The following GNAQ variants were observed in gnomAD, a reference collection of about 807,000 sequenced individuals.
GNAQ encodes guanine nucleotide-binding protein G(q) subunit alpha.
GNAQ carries 8 observed loss-of-function variants against 43.9 expected under a neutral mutation model. That is an observed-to-expected ratio of 0.18 (90% CI 0.11 to 0.33). GNAQ has a LOEUF of 0.33. Ranked by LOEUF, GNAQ falls within the 10% of genes least tolerant of loss-of-function variation. The pLI is 1.00. For missense variants in GNAQ, 158 were observed against 450.8 expected (o/e 0.35, Z 5.88); for synonymous variants, 155 against 170.7 (o/e 0.91, Z 0.71).
chr9:77,811,255 G>T (rs562271391), intron 3 of GNAQ, among the ~76,000 whole-genome samples: 1 of 151,702 alleles, frequency 6.6e-6, no homozygotes, highest in Admixed American at 6.6e-5. Context: ...AAGAAATTAG[G>T]TCCAGAATAA....
intron 2 of GNAQ, among the ~76,000 whole-genome samples, chr9:77,839,645 A>G (rs1162947749): frequency 1.3e-5 from 2 of 152,256 alleles, no homozygotes; most frequent in Non-Finnish European, 2.9e-5. Flanking sequence ...CATGTGGGCC[A>G]TAACTTGAAC....
intron 2 of GNAQ, among the ~76,000 whole-genome samples, chr9:77,879,123 A>C (rs539416247): frequency 1.3e-5 from 2 of 152,256 alleles, no homozygotes; most frequent in East Asian, 3.9e-4. Context: ...GAAAGTAAAA[A>C]CGAACTAAGA....
chr9:77,985,406 G>A (rs893770327), intron 1 of GNAQ, among the ~76,000 whole-genome samples: 2 of 152,120 alleles, frequency 1.3e-5, no homozygotes, highest in Non-Finnish European at 2.9e-5. Flanking sequence ...TATAATGGAG[G>A]AGACTGAAGA....
At chr9:77,866,662 G>C (rs1827954934) in intron 2 of GNAQ, among the ~76,000 whole-genome samples, 1 of 152,000 alleles carries the variant, frequency 6.6e-6, no homozygotes. Flanking sequence ...ACAGCAATGA[G>C]TTATAAAAAG....
At chr9:78,004,292 A>T (rs940836982) in intron 1 of GNAQ, among the ~76,000 whole-genome samples, 1 of 151,958 alleles carries the variant, frequency 6.6e-6, no homozygotes, top group African/African-American at 2.4e-5. Context: ...AAAAAAAAAA[A>T]AATTAATTAA....
intron 3 of GNAQ, among the ~76,000 whole-genome samples, chr9:77,810,568 T>C (rs184309083): frequency 4.5e-4 from 69 of 152,338 alleles, no homozygotes; most frequent in Admixed American, 1.4e-3. Flanking sequence ...GATAAGGCTT[T>C]TCATATCCCA....
chr9:77,932,978 T>C (rs920627861), intron 1 of GNAQ, among the ~76,000 whole-genome samples: 2 of 152,110 alleles, frequency 1.3e-5, no homozygotes, highest in African/African-American at 2.4e-5. Context: ...AACTCGTTGA[T>C]TTCTGGCTTG....
chr9:77,953,437 G>A (rs1823006378), intron 1 of GNAQ, among the ~76,000 whole-genome samples: 1 of 152,148 alleles, frequency 6.6e-6, no homozygotes, highest in Non-Finnish European at 1.5e-5. Context: ...CCAAAAGTTG[G>A]TGTAAACTGG....
chr9:77,760,379 G>A (rs1311348309), intron 5 of GNAQ, among the ~76,000 whole-genome samples: 5 of 152,088 alleles, frequency 3.3e-5, no homozygotes, highest in Non-Finnish European at 7.4e-5. Flanking sequence ...ACTGGTTTTC[G>A]TATTTTTTTG....
At position 77,815,722 on chromosome 9, in the gene GNAQ, A is replaced by G; in HGVS notation, c.370T>C (p.Phe124Leu). 3 of 1,608,472 alleles carry G rather than the reference A, an allele frequency of 1.9e-6. No homozygotes were observed. The Middle Eastern group carries it at 5.0e-4, about 266-fold the overall frequency. The change falls in exon 3 of 7, where the codon TTT becomes CTT. Residue 124 changes from phenylalanine to leucine, a missense_variant. Around this residue, in one of 9 missense-constraint regions of GNAQ, gnomAD observed 57 missense variants for 78.2 expected, o/e 0.73. Transcript: ENST00000286548. ...ATTGCATCTACATATGGATTCTCAA[A>G]AGCAGACACCTTCTCCACATCAACT... Reference protein sequence around the residue: ...REVDVEKVSAFENPYVDAIKS... With the variant: ...REVDVEKVSALENPYVDAIKS...
chr9:77,971,918 G>T lies in GNAQ; in HGVS notation c.137-49573C>A, dbSNP rs1007419480. 4.6e-5 allele frequency among the ~76,000 whole-genome samples: 7 copies of T among 152,266 alleles called. No homozygotes were observed. In the South Asian group the frequency reaches 1.5e-3, roughly 32 times the overall value. On this transcript the variant is annotated intron_variant, in intron 1 of 6. Coordinates refer to ENST00000286548, the MANE Select transcript of GNAQ (RefSeq NM_002072.5). Reference sequence around the variant, plus strand: ...GGTATTTATTCTCTTAGTAGCAATTGTGAATGGGAGTTCACTCATGACTTG... The same window carrying T: ...GGTATTTATTCTCTTAGTAGCAATTTTGAATGGGAGTTCACTCATGACTTG...
intron 3 of GNAQ, among the ~76,000 whole-genome samples, chr9:77,812,747 T>C (rs1359213696): frequency 6.6e-6 from 1 of 152,108 alleles, no homozygotes; most frequent in Non-Finnish European, 1.5e-5. Flanking sequence ...TAGGAAAATG[T>C]CCTACTTTTT....
intron 6 of GNAQ, among the ~76,000 whole-genome samples, chr9:77,727,596 G>A (rs1587885625): frequency 6.6e-6 from 1 of 152,166 alleles, no homozygotes; most frequent in South Asian, 2.1e-4. Context: ...TAATGGTGGT[G>A]GGACTTCATT....
At chr9:77,743,718 T>TAA (rs1341815899) in intron 5 of GNAQ, among the ~76,000 whole-genome samples, 1 of 152,190 alleles carries the variant, frequency 6.6e-6, no homozygotes, top group African/African-American at 2.4e-5. Flanking sequence ...TGAGGTTTTG[T>TAA]GAGTTTATAA....
At chr9:77,802,967 C>A (rs1826769691) in intron 3 of GNAQ, among the ~76,000 whole-genome samples, 2 of 152,186 alleles carry the variant, frequency 1.3e-5, no homozygotes, top group South Asian at 4.2e-4. Context: ...TATTCTTCCA[C>A]ATGTTTGCCC....
chr9:77,985,134 C>T (rs1163260483), intron 1 of GNAQ, among the ~76,000 whole-genome samples: 1 of 152,142 alleles, frequency 6.6e-6, no homozygotes, highest in East Asian at 1.9e-4. Context: ...CATGGTGAAA[C>T]TCCGTCTCTA....
intron 2 of GNAQ, among the ~76,000 whole-genome samples, chr9:77,909,512 T>C (rs1828764040): frequency 6.6e-6 from 1 of 152,214 alleles, no homozygotes. Flanking sequence ...GTCTTCTTTT[T>C]AGTTCAAAAC....
chr9:77,789,753 T>C (rs1237425513), intron 5 of GNAQ, among the ~76,000 whole-genome samples: 1 of 152,190 alleles, frequency 6.6e-6, no homozygotes, highest in Non-Finnish European at 1.5e-5. Flanking sequence ...TAGATTATAC[T>C]GTATAAATTC....
At chr9:77,830,751 C>CA (rs1827285255) in intron 2 of GNAQ, among the ~76,000 whole-genome samples, 1 of 151,728 alleles carries the variant, frequency 6.6e-6, no homozygotes, top group Admixed American at 6.6e-5. Flanking sequence ...ACTTGTGCTG[C>CA]AAAAAAAGCA....
Sources: gnomAD v4.1 joint callset for allele counts (sites outside exome capture counted in the v4.1 genomes callset) on GRCh38, gnomAD v4.1.1 for gene constraint, gnomAD v4.1.1 regional missense constraint, MANE v1.5 for transcripts, NCBI Gene and HGNC (gene_info 2026-07-23, HGNC 2026-07-21) for gene names.